Variants in CIROP observed in about 807,000 individuals in gnomAD.
CIROP encodes ciliated left-right organizer metallopeptidase.
At chr14:23,100,411 G>A in the CIROP span, 1 of 412,526 alleles carries the variant, frequency 2.4e-6, no homozygotes, top group Non-Finnish European at 4.4e-6. Context: ...CCCTGTCTAG[G>A]ACAATATACA....
chr14:23,104,949 G>T, the CIROP span: 1 of 664,816 alleles, frequency 1.5e-6, no homozygotes, highest in East Asian at 2.7e-5. Flanking sequence ...CGTAGATACA[G>T]CCTGGATCCT....
chr14:23,101,904 G>C, the CIROP span: 1 of 702,202 alleles, frequency 1.4e-6, no homozygotes, highest in Non-Finnish European at 2.6e-6. Flanking sequence ...CAAATTCTGG[G>C]CCAGATCCTG....
At chr14:23,103,899 C>A in the CIROP span, 1 of 642,738 alleles carries the variant, frequency 1.6e-6, no homozygotes. Flanking sequence ...GAGAATGAAT[C>A]TCTTTGGTCT....
At chr14:23,103,567 TAAAAC>T in the CIROP span, 4,992 of 595,096 alleles carry the variant, frequency 8.4e-3, 189 homozygotes, top group African/African-American at 0.079. Context: ...AAAAGCAAAA[TAAAAC>T]AAAACAAAAC....
the CIROP span, chr14:23,099,433 C>T: frequency 2.4e-6 from 1 of 413,462 alleles, no homozygotes; most frequent in Non-Finnish European, 4.4e-6. Flanking sequence ...TAGGCAGAGT[C>T]CCATGGACAG....
At chr14:23,102,126 G>A in the CIROP span, 4 of 703,030 alleles carry the variant, frequency 5.7e-6, no homozygotes, top group African/African-American at 7.0e-5. Flanking sequence ...CAGCGCTGTG[G>A]TTGACCTGGT....
the CIROP span, chr14:23,104,456 C>T: frequency 1.4e-6 from 1 of 703,044 alleles, no homozygotes; most frequent in Non-Finnish European, 2.6e-6. Context: ...GACTCAGAAG[C>T]AGGGGTCCTT....
the CIROP span, chr14:23,104,802 G>A: frequency 1.6e-5 from 11 of 702,908 alleles, no homozygotes; most frequent in Admixed American, 1.4e-4. Context: ...GGGGAGTTGG[G>A]AGAAAGGGGG....
the CIROP span, chr14:23,100,092 C>G: frequency 6.3e-6 from 1 of 158,422 alleles, no homozygotes; most frequent in Non-Finnish European, 1.4e-5. Context: ...CTGTCTCTAT[C>G]AAAAATACAA....
At chr14:23,099,180 T>G in the CIROP span, 1 of 412,152 alleles carries the variant, frequency 2.4e-6, no homozygotes. Flanking sequence ...GAAAGAGGCA[T>G]TCCAAAGAAA....
the CIROP span, chr14:23,102,025 C>T: frequency 8.6e-6 from 6 of 700,838 alleles, no homozygotes; most frequent in Non-Finnish European, 1.3e-5. Flanking sequence ...ACCCCTCCAG[C>T]CTCCCACTTC....
At chr14:23,102,875 C>T in the CIROP span, 1 of 614,506 alleles carries the variant, frequency 1.6e-6, no homozygotes, top group South Asian at 1.9e-5. Context: ...GTAACCTGGC[C>T]CCCTACCCTG....
the CIROP span, chr14:23,104,178 C>G: frequency 1.7e-6 from 1 of 600,718 alleles, no homozygotes; most frequent in Non-Finnish European, 3.0e-6. Flanking sequence ...TCTTTACTAT[C>G]TCTCTGCGTA....
chr14:23,103,738 C>A, the CIROP span: 2 of 702,936 alleles, frequency 2.8e-6, no homozygotes, highest in Non-Finnish European at 5.2e-6. Flanking sequence ...TGTTTTGGAC[C>A]CCAGGCCCAT....
chr14:23,102,179 G>T, the CIROP span: 137 of 702,904 alleles, frequency 1.9e-4, no homozygotes, highest in Middle Eastern at 9.1e-4. Context: ...ATTGGGTCGA[G>T]TCGAGTGCGC....
chr14:23,100,551 G>T, the CIROP span: 61 of 410,320 alleles, frequency 1.5e-4, no homozygotes, highest in Non-Finnish European at 2.4e-4. Context: ...ACTTCTAGGG[G>T]TTTTTTCTGG....
At chr14:23,102,641 A>AG in the CIROP span, 1 of 703,062 alleles carries the variant, frequency 1.4e-6, no homozygotes, top group South Asian at 1.5e-5. Flanking sequence ...CTGAATCCTG[A>AG]GGGGCAGTCT....
the CIROP span, chr14:23,101,859 G>A: frequency 1.3e-4 from 89 of 702,620 alleles, no homozygotes; most frequent in Non-Finnish European, 1.9e-4. Context: ...TACAGAAGAA[G>A]TCTGAGGAGC....
At chr14:23,100,862 C>G in the CIROP span, 1 of 398,932 alleles carries the variant, frequency 2.5e-6, no homozygotes, top group Non-Finnish European at 4.4e-6. Context: ...GCCAGTGCCG[C>G]CTTTGCTCGC....
Sources: allele counts gnomAD v4.1 joint callset, GRCh38; gene constraint gnomAD v4.1.1; transcripts MANE v1.5; gene names NCBI Gene and HGNC (gene_info 2026-07-23, HGNC 2026-07-21).